EYS: variants seen among roughly 807,000 people sequenced by gnomAD.
EYS encodes the protein EGF-like photoreceptor maintenance factor, also known as protein eyes shut homolog.
EYS carries 250 observed loss-of-function variants against 282.1 expected under a neutral mutation model. The observed-to-expected ratio is 0.89, with a 90% CI of 0.80 to 0.98. The LOEUF is 0.98. Ranked by LOEUF, EYS falls within the 50% of genes least tolerant of loss-of-function variation. The probability of loss-of-function intolerance (pLI) is 0.00; values close to 1 mark genes in which losing one functional copy is unlikely to be tolerated. For synonymous variants in EYS, 1,355 were observed against 1,282.9 expected (o/e 1.06, Z -1.20); for missense variants, 4,016 against 3,709.0 (o/e 1.08, Z -2.15).
chr6:65,263,569 T>C (rs1767673556), intron 12 of EYS, among the ~76,000 whole-genome samples: 1 of 152,102 alleles, frequency 6.6e-6, no homozygotes. Flanking sequence ...TAATTAATGT[T>C]TGAGGAATCA....
intron 26 of EYS, among the ~76,000 whole-genome samples, chr6:64,564,443 A>G (rs1765498783): frequency 1.3e-5 from 2 of 150,742 alleles, no homozygotes; most frequent in Non-Finnish European, 3.0e-5. Context: ...ACGCCCAGCT[A>G]TTTTTTTATT....
intron 9 of EYS, among the ~76,000 whole-genome samples, chr6:65,345,321 T>C (rs1055904585): frequency 1.3e-5 from 2 of 151,762 alleles, no homozygotes; most frequent in Non-Finnish European, 2.9e-5. Context: ...AATTTAATGA[T>C]AGGTCAATAA....
At chr6:64,542,125 TA>T (rs1764708791) in intron 26 of EYS, among the ~76,000 whole-genome samples, 3 of 152,212 alleles carry the variant, frequency 2.0e-5, no homozygotes, top group Admixed American at 6.5e-5. Flanking sequence ...TCAAAAATAA[TA>T]AAATAGTTCA....
intron 31 of EYS, among the ~76,000 whole-genome samples, chr6:64,143,499 C>T (rs903659025): frequency 6.6e-6 from 1 of 151,732 alleles, no homozygotes; most frequent in African/African-American, 2.4e-5. Flanking sequence ...CCTAAAAGTG[C>T]AATTAAAAAT....
At chr6:64,598,640 A>G (rs753648009) in intron 24 of EYS, among the ~76,000 whole-genome samples, 1 of 152,170 alleles carries the variant, frequency 6.6e-6, no homozygotes. Context: ...TTTCTTGTGG[A>G]CATTGTATAG....
At chr6:64,561,235 C>T (rs974783728) in intron 26 of EYS, among the ~76,000 whole-genome samples, 1 of 152,060 alleles carries the variant, frequency 6.6e-6, no homozygotes, top group African/African-American at 2.4e-5. Context: ...ACTGAATGGG[C>T]AAAAGCTGGA....
chr6:65,679,979 A>T (rs1048167433), intron 1 of EYS, among the ~76,000 whole-genome samples: 1 of 151,832 alleles, frequency 6.6e-6, no homozygotes, highest in Non-Finnish European at 1.5e-5. Context: ...GGTACACAGG[A>T]ATCTGTATTT....
chr6:64,046,131 T>TA (rs1770616747), intron 33 of EYS, among the ~76,000 whole-genome samples: 1 of 149,350 alleles, frequency 6.7e-6, no homozygotes, highest in African/African-American at 2.4e-5. Context: ...TTAAATACGT[T>TA]AGAAATATAT....
At chr6:65,660,886 T>C (rs2171902) in intron 1 of EYS, among the ~76,000 whole-genome samples, 123,904 of 151,636 alleles carry the variant, frequency 0.82, 50,727 homozygotes, top group East Asian at 0.85. Context: ...ACACACTGCT[T>C]TTATGTAATT....
At chr6:64,363,971 G>A (rs933994458) in intron 29 of EYS, among the ~76,000 whole-genome samples, 1 of 151,660 alleles carries the variant, frequency 6.6e-6, no homozygotes, top group Non-Finnish European at 1.5e-5. Flanking sequence ...TTAATAGCTG[G>A]CCCAGAGCTT....
intron 33 of EYS, among the ~76,000 whole-genome samples, chr6:64,043,645 G>A (rs530197553): frequency 6.6e-6 from 1 of 152,228 alleles, no homozygotes; most frequent in South Asian, 2.1e-4. Context: ...TCAAGGGTTG[G>A]GTAGGTCCTT....
At chr6:65,202,479 C>G (rs1765925843) in intron 12 of EYS, among the ~76,000 whole-genome samples, 1 of 152,112 alleles carries the variant, frequency 6.6e-6, no homozygotes, top group Non-Finnish European at 1.5e-5. Context: ...CACAGCTTGA[C>G]CCCTAGCGGC....
chr6:65,050,721 C>T (rs1210295909), intron 13 of EYS, among the ~76,000 whole-genome samples: 2 of 151,490 alleles, frequency 1.3e-5, no homozygotes, highest in African/African-American at 4.8e-5. Flanking sequence ...ACAAGAATGA[C>T]TGAATATGGC....
Position 64,231,615 on chromosome 6 carries a change from C to T in EYS, c.6192-791G>A, listed in dbSNP as rs528815524. Among the ~76,000 whole-genome samples the T allele has an allele frequency of 2.6e-5, 4 of 152,204 alleles. No individual in the cohort carries two copies. In the East Asian group the frequency reaches 7.7e-4, roughly 29 times the overall value. Reference sequence around the variant, plus strand: ...TTTCACCTACAGTGCTAAGCCCACGCCTGCATTATTTTTTGTCCCTGGCCC... The same window carrying T: ...TTTCACCTACAGTGCTAAGCCCACGTCTGCATTATTTTTTGTCCCTGGCCC... On this transcript the variant is annotated intron_variant, in intron 30 of 42. Transcript: ENST00000503581.
At chr6:64,548,073 C>A (rs1183376588) in intron 26 of EYS, among the ~76,000 whole-genome samples, 1 of 152,188 alleles carries the variant, frequency 6.6e-6, no homozygotes, top group Non-Finnish European at 1.5e-5. Flanking sequence ...GCTGATAGAG[C>A]CGGCTCCAGC....
intron 31 of EYS, among the ~76,000 whole-genome samples, chr6:64,127,944 G>C (rs1432417948): frequency 6.6e-6 from 1 of 151,874 alleles, no homozygotes; most frequent in Non-Finnish European, 1.5e-5. Flanking sequence ...TTTTAACAAG[G>C]GATATTAAAT....
At chr6:64,253,305 C>T (rs574441275) in intron 30 of EYS, among the ~76,000 whole-genome samples, 50 of 152,204 alleles carry the variant, frequency 3.3e-4, no homozygotes, top group African/African-American at 1.2e-3. Flanking sequence ...TTGCACACAT[C>T]AGAAACTCTT....
intron 19 of EYS, among the ~76,000 whole-genome samples, chr6:64,849,799 C>T (rs1765825910): frequency 6.6e-6 from 1 of 151,792 alleles, no homozygotes; most frequent in Admixed American, 6.6e-5. Context: ...TGTAGTGCCC[C>T]CCATCTTTAA....
At position 64,601,362 on chromosome 6, in the gene EYS, C is replaced by T. The variant is rs62415845; in HGVS notation, c.3685-8053G>A. 2.6e-3 allele frequency among the ~76,000 whole-genome samples: 398 copies of T among 152,116 alleles called. 3 individuals are homozygous for T. Among genetic ancestry groups the T allele is most frequent in the Non-Finnish European group, 4.5e-3 (306 of 67,950 alleles). On this transcript the variant is annotated intron_variant, in intron 24 of 42. Transcript: ENST00000503581. ...TACCTTAAACATAACATGTACAGTA[C>T]TGAACTGCTGATTCAGTCTCTCCAT...
Sources: gnomAD v4.1 joint callset for allele counts (sites outside exome capture counted in the v4.1 genomes callset) on GRCh38, gnomAD v4.1.1 for gene constraint, MANE v1.5 for transcripts, NCBI Gene and HGNC (gene_info 2026-07-23, HGNC 2026-07-21) for gene names.